The following DUSP29 variants were observed in gnomAD, a reference collection of about 807,000 sequenced individuals.
DUSP29 encodes dual specificity phosphatase 29.
A neutral mutation model predicts 13.5 loss-of-function variants in DUSP29; 12 were observed. That is an observed-to-expected ratio of 0.89 (90% CI 0.57 to 1.44). The LOEUF (loss-of-function observed/expected upper bound fraction) is 1.44, where lower values mean the gene tolerates loss of function less well. Among genes scored for constraint, DUSP29 ranks in the 40% most tolerant of loss-of-function variants. The probability of loss-of-function intolerance (pLI) is 0.00; values close to 1 mark genes in which losing one functional copy is unlikely to be tolerated. For synonymous variants in DUSP29, 134 were observed against 128.7 expected (o/e 1.04, Z -0.28); for missense variants, 308 against 301.1 (o/e 1.02, Z -0.17).
chr10:75,058,653 G>C (rs1019137313), intron 1 of DUSP29, 105 bp from the exon 2 acceptor site: 111 of 1,022,222 alleles, frequency 1.1e-4, no homozygotes, highest in Non-Finnish European at 1.3e-4. Context: ...AATTTGGAAA[G>C]AGTTTCCCCA....
chr10:75,041,620 G>C (rs1846585448), intron 3 of DUSP29, among the ~76,000 whole-genome samples: 1 of 152,140 alleles, frequency 6.6e-6, no homozygotes, highest in Admixed American at 6.5e-5. Flanking sequence ...GAATTATTTA[G>C]ATATGCCAGT....
At chr10:75,054,410 A>T (rs1846911683) in intron 2 of DUSP29, among the ~76,000 whole-genome samples, 1 of 152,238 alleles carries the variant, frequency 6.6e-6, no homozygotes, top group Admixed American at 6.5e-5. Flanking sequence ...TCTTCTGTTC[A>T]TCTGATATAT....
chr10:75,068,610 G>C (rs1847254529), intron 1 of DUSP29, among the ~76,000 whole-genome samples: 1 of 152,116 alleles, frequency 6.6e-6, no homozygotes, highest in South Asian at 2.1e-4. Flanking sequence ...TGTGTACCAC[G>C]TTTCTTCCAT....
At chr10:75,072,407 T>C (rs116034349) in intron 1 of DUSP29, among the ~76,000 whole-genome samples, 1,964 of 152,230 alleles carry the variant, frequency 0.013, 48 homozygotes, top group African/African-American at 0.045. Flanking sequence ...CCCCGTCGCA[T>C]GCCCTGTGAG....
chr10:75,040,170 C>T (rs543249099), intron 3 of DUSP29, among the ~76,000 whole-genome samples: 3 of 151,962 alleles, frequency 2.0e-5, no homozygotes, highest in East Asian at 3.9e-4. Context: ...AGCGAGATTC[C>T]GTCTCAAAAA....
In DUSP29 at chr10:75,037,899, C is replaced by A. The variant is rs1846497564; in HGVS notation, c.600G>T (p.Leu200=). The stretch of plus-strand genomic sequence containing the variant: ...GCTGGGACCGTCGCCTCTGCTGCAC[C>A]AGCTGCTTGTCCAGCTCCCGGAGCT... ...LKQLRELDKQ[L]VQQRRRSQRQ... The change falls in exon 4 of 4, where the codon CTG becomes CTT. Residue 200 remains leucine, a synonymous_variant. Coordinates refer to ENST00000338487, the MANE Select transcript of DUSP29 (RefSeq NM_001003892.3). 1 of 1,613,620 alleles carries A rather than the reference C, an allele frequency of 6.2e-7. No homozygotes were observed.
At chr10:75,072,601 G>A (rs1236920958) in intron 1 of DUSP29, among the ~76,000 whole-genome samples, 1 of 151,786 alleles carries the variant, frequency 6.6e-6, no homozygotes, top group African/African-American at 2.4e-5. Flanking sequence ...ATATTCTCAT[G>A]ATGAGAACAA....
At chr10:75,067,804 A>ATATTT (rs567371656) in intron 1 of DUSP29, among the ~76,000 whole-genome samples, 38 of 152,086 alleles carry the variant, frequency 2.5e-4, no homozygotes, top group East Asian at 5.8e-4. Context: ...CTATAAGAAA[A>ATATTT]TATTTTATTT....
chr10:75,041,929 C>T (rs1198895964), intron 3 of DUSP29, among the ~76,000 whole-genome samples: 2 of 152,196 alleles, frequency 1.3e-5, no homozygotes, highest in African/African-American at 2.4e-5. Flanking sequence ...GGGGCAGACC[C>T]TAAAATTGAG....
At chr10:75,055,032 G>T (rs563823510) in intron 2 of DUSP29, among the ~76,000 whole-genome samples, 1 of 152,054 alleles carries the variant, frequency 6.6e-6, no homozygotes, top group African/African-American at 2.4e-5. Context: ...GGTAGAGATG[G>T]TGTCTTGCTA....
At chr10:75,049,805 G>A (rs1195745516) in intron 2 of DUSP29, among the ~76,000 whole-genome samples, 1 of 152,182 alleles carries the variant, frequency 6.6e-6, no homozygotes, top group African/African-American at 2.4e-5. Flanking sequence ...CAGGCCAGCT[G>A]TGGCGATGCC....
intron 3 of DUSP29, among the ~76,000 whole-genome samples, chr10:75,040,786 C>T (rs1367095860): frequency 1.3e-5 from 2 of 152,162 alleles, no homozygotes; most frequent in East Asian, 1.9e-4. Context: ...GCTGTCAGGG[C>T]AGGACCAGGG....
chr10:75,062,475 A>G (rs1278069489), intron 1 of DUSP29, among the ~76,000 whole-genome samples: 7 of 152,200 alleles, frequency 4.6e-5, no homozygotes, highest in Non-Finnish European at 7.3e-5. Context: ...CTCTGTGCTG[A>G]AAGCCTCGGC....
Position 75,069,910 on chromosome 10 carries a change from C to T in DUSP29, c.-35+3659G>A, listed in dbSNP as rs572521963. On this transcript the variant is annotated intron_variant, in intron 1 of 3. Transcript: ENST00000338487. ...TACAAAAAAAAAAAAATGAGCTGGGCGTGGTGGTGTGTGCCTGTAATCCCA... is the reference window on the plus strand; with the variant it reads ...TACAAAAAAAAAAAAATGAGCTGGGTGTGGTGGTGTGTGCCTGTAATCCCA... 2.1e-4 allele frequency among the ~76,000 whole-genome samples: 32 copies of T among 150,754 alleles called. No individual in the cohort carries two copies. The East Asian group carries it at 6.0e-3, about 28-fold the overall frequency.
intron 3 of DUSP29, among the ~76,000 whole-genome samples, chr10:75,042,708 C>A (rs1182372063): frequency 6.6e-6 from 1 of 152,274 alleles, no homozygotes; most frequent in African/African-American, 2.4e-5. Flanking sequence ...TATTGTCCAG[C>A]AGACCTGGCC....
intron 2 of DUSP29, among the ~76,000 whole-genome samples, chr10:75,047,785 TC>T (rs1846736626): frequency 6.6e-6 from 1 of 151,954 alleles, no homozygotes; most frequent in African/African-American, 2.4e-5. Flanking sequence ...GAAAACATAC[TC>T]CCCCCTCCAA....
intron 2 of DUSP29, among the ~76,000 whole-genome samples, chr10:75,052,009 C>T (rs186057473): frequency 1.7e-4 from 26 of 152,344 alleles, no homozygotes; most frequent in Admixed American, 1.2e-3. Flanking sequence ...AAGTCTCACA[C>T]ACCTGTGTGT....
At chr10:75,064,493 C>G (rs7086958) in intron 1 of DUSP29, among the ~76,000 whole-genome samples, 1 of 151,980 alleles carries the variant, frequency 6.6e-6, no homozygotes, top group Non-Finnish European at 1.5e-5. Context: ...AGTGACAGAG[C>G]GAGACTCCGT....
At chr10:75,045,496 A>C (rs745945872) in intron 2 of DUSP29, among the ~76,000 whole-genome samples, 10 of 152,238 alleles carry the variant, frequency 6.6e-5, no homozygotes, top group African/African-American at 1.2e-4. Context: ...TCATGACATG[A>C]TACAAAATGA....
Sources: gnomAD v4.1 joint callset for allele counts (sites outside exome capture counted in the v4.1 genomes callset) on GRCh38, gnomAD v4.1.1 for gene constraint, MANE v1.5 for transcripts, NCBI Gene and HGNC (gene_info 2026-07-23, HGNC 2026-07-21) for gene names.